STAT3: variants seen among roughly 807,000 people sequenced by gnomAD.
STAT3 encodes the protein signal transducer and activator of transcription 3, also known as DNA-binding protein APRF.
A neutral mutation model predicts 114.3 loss-of-function variants in STAT3; 7 were observed. The ratio of observed to expected loss-of-function variants is 0.06; its 90% confidence interval spans 0.03 to 0.11. STAT3 has a LOEUF of 0.11. Ranked by LOEUF, STAT3 falls within the 10% of genes least tolerant of loss-of-function variation. The probability of loss-of-function intolerance (pLI) is 1.00; values close to 1 mark genes in which losing one functional copy is unlikely to be tolerated. For synonymous variants in STAT3, 331 were observed against 354.5 expected (o/e 0.93, Z 0.74); for missense variants, 364 against 960.9 (o/e 0.38, Z 8.21).
chr17:42,344,345 C>T (rs1390065309), intron 4 of STAT3, among the ~76,000 whole-genome samples: 3 of 151,078 alleles, frequency 2.0e-5, no homozygotes, highest in Non-Finnish European at 4.4e-5. Context: ...TAGCTTGAAC[C>T]TGGGAGGCAG....
In STAT3 at chr17:42,388,330, G is replaced by C. The variant is rs998662407; in HGVS notation, c.-75C>G. 4.5e-5 allele frequency: 56 copies of C among 1,232,038 alleles called. No individual in the cohort carries two copies. The highest frequency in any genetic ancestry group is 6.2e-4 in the Middle Eastern group (2 of 3,212). 76.3% of individuals were successfully genotyped at this position (1,232,038 alleles called of 1,614,324 possible). On this transcript the variant is annotated 5_prime_UTR_variant, in exon 1 of 24. Coordinates refer to ENST00000264657, the MANE Select transcript of STAT3 (RefSeq NM_139276.3). ...CCGGGGCTGCGCGTGTGCCGGGGAC[G>C]GGCGGCGAGGCTCCCTCAGGCCGAA...
intron 14 of STAT3, among the ~76,000 whole-genome samples, chr17:42,328,122 A>G (rs1303080472): frequency 6.6e-6 from 1 of 152,140 alleles, no homozygotes; most frequent in Non-Finnish European, 1.5e-5. Context: ...TTCAGTTTAA[A>G]ATGCAAATAT....
chr17:42,360,732 T>C (rs996064078), intron 1 of STAT3, among the ~76,000 whole-genome samples: 10 of 152,034 alleles, frequency 6.6e-5, no homozygotes, highest in Admixed American at 5.9e-4. Context: ...GGTATTTTAA[T>C]AGACATACTA....
intron 21 of STAT3, 25 bp downstream of exon 21, chr17:42,322,257 G>T (rs895765484): frequency 1.2e-6 from 2 of 1,613,598 alleles, no homozygotes; most frequent in African/African-American, 1.3e-5. Flanking sequence ...AAAATTAAAT[G>T]CCAGGAACAT....
intron 6 of STAT3, 103 bp downstream of exon 6, chr17:42,338,628 C>T: frequency 1.7e-6 from 2 of 1,165,426 alleles, no homozygotes; most frequent in Non-Finnish European, 2.6e-6. Context: ...CCCTTGCGCC[C>T]CGCCCGCCTT....
intron 8 of STAT3, among the ~76,000 whole-genome samples, chr17:42,334,865 A>G (rs763383411): frequency 3.3e-5 from 5 of 152,246 alleles, no homozygotes; most frequent in Non-Finnish European, 5.9e-5. Flanking sequence ...TGATGGAGTT[A>G]TCACTGGAAA....
At position 42,338,788 on chromosome 17, in the gene STAT3, C is replaced by T; in HGVS notation, c.493G>A (p.Val165Ile). The stretch of plus-strand genomic sequence containing the variant: ...TCAAAGTCATCCTGGAGATTCTCTA[C>T]CACTTTCATTTTCTGTTCTAGATCC... Reference protein sequence around the residue: ...VQDLEQKMKVVENLQDDFDFN... With the variant: ...VQDLEQKMKVIENLQDDFDFN... The change falls in exon 6 of 24, where the codon GTA becomes ATA. Residue 165 changes from valine to isoleucine, a missense_variant. Coordinates refer to ENST00000264657, the MANE Select transcript of STAT3 (RefSeq NM_139276.3). The T allele has an allele frequency of 6.2e-7, 1 of 1,613,650 alleles. No homozygotes were observed. The highest frequency in any genetic ancestry group is 8.5e-7 in the Non-Finnish European group (1 of 1,179,876).
Position 42,323,643 on chromosome 17 carries a change from A to G in STAT3, c.1601-18T>C, listed in dbSNP as rs1186001068. The G allele has an allele frequency of 6.2e-7, 1 of 1,613,318 alleles. No homozygotes were observed. The highest frequency in any genetic ancestry group is 8.5e-7 in the Non-Finnish European group (1 of 1,179,340). The stretch of plus-strand genomic sequence containing the variant: ...ACCAGGTCCTGAAGGAAAGAAAAAG[A>G]GTCAAGTAGTACATTTTCAGCTTGG... On this transcript the variant is annotated intron_variant, in intron 17 of 23. Transcript: ENST00000264657.
chr17:42,367,295 C>T (rs982007267), intron 1 of STAT3, among the ~76,000 whole-genome samples: 2 of 151,770 alleles, frequency 1.3e-5, no homozygotes, highest in East Asian at 1.9e-4. Flanking sequence ...GCCGAGATTG[C>T]GCCACTGCAC....
rs947554247 is a variant in STAT3 at position 42,314,386 on chromosome 17, G to C, written c.*1359C>G. Reference sequence around the variant, plus strand: ...ACTCTCTCCCCCTCTTCTTCCATGAGGTCCTGAGACCAGGATTCCTAAAAC... The same window carrying C: ...ACTCTCTCCCCCTCTTCTTCCATGACGTCCTGAGACCAGGATTCCTAAAAC... On this transcript the variant is annotated 3_prime_UTR_variant, in exon 24 of 24. Coordinates refer to ENST00000264657, the MANE Select transcript of STAT3 (RefSeq NM_139276.3). The C allele has an allele frequency of 4.3e-6, 1 of 231,992 alleles. No homozygotes were observed. The highest frequency in any genetic ancestry group is 5.7e-5 in the Admixed American group (1 of 17,692). The allele number at this position is 231,992 out of a possible 1,614,324, so 14.4% of individuals were successfully genotyped here. A position where few individuals can be genotyped will look rare whatever the true frequency, so the allele number is the denominator to read the frequency against.
At chr17:42,361,830 A>G (rs1281274951) in intron 1 of STAT3, among the ~76,000 whole-genome samples, 4 of 152,140 alleles carry the variant, frequency 2.6e-5, no homozygotes, top group East Asian at 3.9e-4. Context: ...CTTTAAACAG[A>G]CAAGTGATAG....
At chr17:42,367,288 G>GAGATT (rs2083855236) in intron 1 of STAT3, among the ~76,000 whole-genome samples, 1 of 151,712 alleles carries the variant, frequency 6.6e-6, no homozygotes, top group African/African-American at 2.4e-5. Context: ...GCAATGAGCC[G>GAGATT]AGATTGCGCC....
chr17:42,360,721 T>C (rs899850282), intron 1 of STAT3, among the ~76,000 whole-genome samples: 1 of 152,102 alleles, frequency 6.6e-6, no homozygotes, highest in Non-Finnish European at 1.5e-5. Flanking sequence ...TGTGATCTTA[T>C]GGTATTTTAA....
intron 1 of STAT3, among the ~76,000 whole-genome samples, chr17:42,361,896 G>A (rs538694191): frequency 3.4e-4 from 52 of 152,284 alleles, no homozygotes; most frequent in African/African-American, 1.2e-3. Context: ...GTGGGAGGTC[G>A]TGGCTGCCCA....
At position 42,337,497 on chromosome 17, in the gene STAT3, C is replaced by G; in HGVS notation, c.735G>C (p.Arg245Ser). 1 of 1,614,224 alleles carries G rather than the reference C, an allele frequency of 6.2e-7. No individual in the cohort carries two copies. The highest frequency in any genetic ancestry group is 8.5e-7 in the Non-Finnish European group (1 of 1,180,046). The change falls in exon 8 of 24, where the codon AGG becomes AGC. Residue 245 changes from arginine to serine, a missense_variant. Coordinates refer to ENST00000264657, the MANE Select transcript of STAT3 (RefSeq NM_139276.3). This position sits in a 1 kb window ranked among gnomAD's most constrained non-coding sequence, Gnocchi z 4.0. The stretch of plus-strand genomic sequence containing the variant: ...CTCCAATGCAGGCAATCTGTTGCCG[C>G]CTCTTCCAGTCAGCCAGCTCCTCGT... ...LTDEELADWK[R>S]RQQIACIGGP... is the part of the protein sequence containing the mutation.
chr17:42,349,140 A>T (rs2082827927), intron 1 of STAT3, among the ~76,000 whole-genome samples: 1 of 152,238 alleles, frequency 6.6e-6, no homozygotes, highest in African/African-American at 2.4e-5. Flanking sequence ...CTGGGATTAC[A>T]TATGTGAGCC....
In STAT3 at chr17:42,329,792, CTGT is replaced by C. The variant is rs777823264; in HGVS notation, c.1110-19_1110-17del. On this transcript the variant is annotated splice_polypyrimidine_tract_variant and intron_variant, in intron 11 of 23. Coordinates refer to ENST00000264657, the MANE Select transcript of STAT3 (RefSeq NM_139276.3). ...CCCAGAGTCTCTGTAAGAACACAGA[CTGT>C]TGTTAATAAAATAGGCTCTGTGTTT... 1.7e-5 allele frequency: 28 copies of C among 1,614,040 alleles called. No homozygotes were observed. The African/African-American group carries it at 3.3e-4, about 19-fold the overall frequency.
rs1473863737 is a variant in STAT3, at chr17:42,337,823, C to A, written c.585G>T (p.Val195=). Residue 195 remains valine, a synonymous_variant, in exon 7 of 24, where the codon GTG becomes GTT. Coordinates refer to ENST00000264657, the MANE Select transcript of STAT3 (RefSeq NM_139276.3). This position sits in a 1 kb window ranked among gnomAD's most constrained non-coding sequence, Gnocchi z 4.0. ...MQDLNGNNQS[V]TRQKMQQLEQ... is the part of the protein sequence containing the mutation. ...CCAGCTGCTGCATCTTCTGCCTGGT[C>A]ACTGACTGGTTGTTTCCATTCAGAT... 6.2e-7 allele frequency: 1 copy of A among 1,614,196 alleles called. No individual in the cohort carries two copies. The highest frequency in any genetic ancestry group is 1.1e-5 in the South Asian group (1 of 91,030).
intron 1 of STAT3, chr17:42,388,043 C>G (rs2085208790): frequency 4.4e-6 from 2 of 457,144 alleles, no homozygotes; most frequent in East Asian, 7.3e-5. Flanking sequence ...CCCCCTCGAG[C>G]GCGTTCTGTT....
Sources: gnomAD v4.1 joint callset for allele counts (sites outside exome capture counted in the v4.1 genomes callset) on GRCh38, gnomAD v4.1.1 for gene constraint, Gnocchi (gnomAD v3.1) non-coding constraint, MANE v1.5 for transcripts, NCBI Gene and HGNC (gene_info 2026-07-23, HGNC 2026-07-21) for gene names.